The following TRAPPC9 variants were observed in gnomAD, a reference collection of about 807,000 sequenced individuals.
TRAPPC9 encodes the protein trafficking protein particle complex subunit 9.
In TRAPPC9, 83 loss-of-function variants were observed where a neutral mutation model predicts 124.0. That is an observed-to-expected ratio of 0.67 (90% CI 0.56 to 0.80). The LOEUF (loss-of-function observed/expected upper bound fraction) is 0.80. TRAPPC9 is among the 30% of genes least tolerant of loss of function. TRAPPC9 has a pLI of 0.00. For missense variants in TRAPPC9, 1,302 were observed against 1,508.3 expected, an observed-to-expected ratio of 0.86 and a Z score of 2.27; for synonymous variants, 638 against 617.5, an observed-to-expected ratio of 1.03 and a Z score of -0.49.
rs187594197 is a variant in TRAPPC9 at position 139,730,529 on chromosome 8, C to T, written c.*532G>A. The T allele has an allele frequency of 6.6e-3, 1,043 of 159,044 alleles. 6 individuals carry two copies. The highest frequency in any genetic ancestry group is 0.01 in the Non-Finnish European group (750 of 71,916). The allele number at this position is 159,044 out of a possible 1,614,324, so 9.9% of individuals were successfully genotyped here. A position where few individuals can be genotyped will look rare whatever the true frequency, so the allele number is the denominator to read the frequency against. ...GGCATCAACCATCCACGACCTCCTA[C>T]GGCACCATCTCTCCTGCCAAGTTGC... On this transcript the variant is annotated 3_prime_UTR_variant, in exon 23 of 23. Transcript: ENST00000438773.
chr8:140,056,970 G>C (rs1000715307), intron 17 of TRAPPC9, among the ~76,000 whole-genome samples: 2 of 152,074 alleles, frequency 1.3e-5, no homozygotes, highest in African/African-American at 4.8e-5. Context: ...AACTACTGTA[G>C]TTAACTAAAT....
chr8:140,103,610 G>A (rs551332016), intron 17 of TRAPPC9, among the ~76,000 whole-genome samples: 51 of 152,338 alleles, frequency 3.3e-4, no homozygotes, highest in African/African-American at 1.2e-3. Context: ...AAGTCCTGAT[G>A]TGAAATCTTA....
At position 139,908,257 on chromosome 8, in the gene TRAPPC9, G is replaced by A. The variant is rs548836132; in HGVS notation, c.2964+1890C>T. Among the ~76,000 whole-genome samples, 149 of 152,278 alleles carry A rather than the reference G, an allele frequency of 9.8e-4. 2 individuals are homozygous for A. Among genetic ancestry groups the A allele is most frequent in the Non-Finnish European group, 1.3e-3 (89 of 68,020 alleles). ...CTCCTGCCAGGCCCACCATGCACCTGCCCCTTCCTCCACTGGTGCTGCTGG... is the reference window on the plus strand; with the variant it reads ...CTCCTGCCAGGCCCACCATGCACCTACCCCTTCCTCCACTGGTGCTGCTGG... On this transcript the variant is annotated intron_variant, in intron 20 of 22. Coordinates refer to ENST00000438773, the MANE Select transcript of TRAPPC9 (RefSeq NM_001160372.4).
chr8:140,253,547 G>A (rs561730942), intron 15 of TRAPPC9, among the ~76,000 whole-genome samples: 14 of 152,042 alleles, frequency 9.2e-5, no homozygotes, highest in African/African-American at 2.7e-4. Flanking sequence ...GTGTGGCAGC[G>A]CGCCTCTGTA....
chr8:139,835,782 A>C (rs1199254494), intron 21 of TRAPPC9, among the ~76,000 whole-genome samples: 3 of 152,136 alleles, frequency 2.0e-5, no homozygotes, highest in African/African-American at 7.2e-5. Flanking sequence ...CAAAAAAAAA[A>C]AAAGCTTCCC....
At chr8:140,040,786 T>C (rs527428904) in intron 17 of TRAPPC9, 123 of 152,336 alleles carry the variant, frequency 8.1e-4, no homozygotes, top group Non-Finnish European at 9.5e-4. Context: ...AAGGTGGTGA[T>C]GCAGTAACTA....
chr8:140,249,640 G>T (rs1588011631), intron 16 of TRAPPC9, among the ~76,000 whole-genome samples: 1 of 111,318 alleles, frequency 9.0e-6, no homozygotes, highest in African/African-American at 3.6e-5. Flanking sequence ...GTCTCGCTCT[G>T]TCACCCAGGC....
Position 139,948,248 on chromosome 8 carries a change from A to AACACACACAC in TRAPPC9, c.2811-37958_2811-37949dup, listed in dbSNP as rs141771160. The stretch of plus-strand genomic sequence containing the variant: ...CTGAGTGGGGGAAGATGGTTCATAA[A>AACACACACAC]ACACACACACACACACACACACACA... On this transcript the variant is annotated intron_variant, in intron 19 of 22. Coordinates refer to ENST00000438773, the MANE Select transcript of TRAPPC9 (RefSeq NM_001160372.4). Among the ~76,000 whole-genome samples the AACACACACAC allele has an allele frequency of 3.1e-4, 45 of 144,726 alleles. 1 individual carries two copies. The highest frequency in any genetic ancestry group is 7.3e-4 in the African/African-American group (28 of 38,152). The allele number at this position is 144,726 out of a possible 152,430, so 94.9% of individuals were successfully genotyped here.
intron 6 of TRAPPC9, among the ~76,000 whole-genome samples, chr8:140,402,207 T>C (rs1442615713): frequency 7.1e-6 from 1 of 141,604 alleles, no homozygotes; most frequent in Non-Finnish European, 1.6e-5. Context: ...TCATTACAAA[T>C]AAAAAATAAA....
intron 21 of TRAPPC9, among the ~76,000 whole-genome samples, chr8:139,736,783 G>A (rs1047807975): frequency 2.6e-5 from 4 of 152,136 alleles, no homozygotes; most frequent in East Asian, 1.9e-4. Context: ...CAGCAACACC[G>A]GCCACATCCA....
intron 19 of TRAPPC9, among the ~76,000 whole-genome samples, chr8:139,960,894 G>C (rs1025656031): frequency 8.0e-6 from 1 of 125,354 alleles, no homozygotes; most frequent in African/African-American, 2.5e-5. Context: ...AGCCAGTAGG[G>C]ACAAATAATG....
chr8:139,867,093 C>A (rs1828597036), intron 21 of TRAPPC9, among the ~76,000 whole-genome samples: 1 of 152,178 alleles, frequency 6.6e-6, no homozygotes, highest in Non-Finnish European at 1.5e-5. Context: ...CTTGGCCTCC[C>A]AAAATGCTGG....
At position 139,766,730 on chromosome 8, in the gene TRAPPC9, A is replaced by C. The variant is rs527585290; in HGVS notation, c.3056-34528T>G. Among the ~76,000 whole-genome samples the C allele has an allele frequency of 1.1e-4, 16 of 152,252 alleles. No homozygotes were observed. In the South Asian group the frequency reaches 2.9e-3, roughly 28 times the overall value. On this transcript the variant is annotated intron_variant, in intron 21 of 22. Transcript: ENST00000438773. ...AAGGTCCCCGCTCCTGAGGTCACTC[A>C]CTGGAGGGAGACAACAGATCGGTCT...
intron 19 of TRAPPC9, 98 bp from the exon 20 acceptor site, chr8:139,910,398 G>T: frequency 8.3e-7 from 1 of 1,203,292 alleles, no homozygotes; most frequent in Non-Finnish European, 1.2e-6. Context: ...ACACTATAAT[G>T]AATCATTATC....
At chr8:140,352,884 A>C (rs988802698) in intron 9 of TRAPPC9, among the ~76,000 whole-genome samples, 6 of 152,120 alleles carry the variant, frequency 3.9e-5, no homozygotes, top group Non-Finnish European at 7.4e-5. Context: ...AGAACCACTA[A>C]TGTCTGACCA....
intron 17 of TRAPPC9, among the ~76,000 whole-genome samples, chr8:140,115,145 T>G (rs566945130): frequency 6.6e-6 from 1 of 152,324 alleles, no homozygotes; most frequent in African/African-American, 2.4e-5. Flanking sequence ...ATTCTCGAAT[T>G]CTGGTATAAA....
intron 19 of TRAPPC9, among the ~76,000 whole-genome samples, chr8:139,950,356 A>G (rs1016673631): frequency 6.6e-6 from 1 of 152,256 alleles, no homozygotes. Context: ...CTGTCAGCAG[A>G]TGATGCCTGT....
intron 17 of TRAPPC9, among the ~76,000 whole-genome samples, chr8:140,089,538 C>T (rs1844426871): frequency 6.6e-6 from 1 of 152,198 alleles, no homozygotes; most frequent in African/African-American, 2.4e-5. Context: ...TGGATACCAT[C>T]TTCATGAAAA....
chr8:140,327,334 G>T (rs142615938), intron 9 of TRAPPC9, among the ~76,000 whole-genome samples: 1 of 152,174 alleles, frequency 6.6e-6, no homozygotes, highest in Non-Finnish European at 1.5e-5. Context: ...CATCTGCTGT[G>T]CCAAACAGTT....
Sources: gnomAD v4.1 joint callset for allele counts (sites outside exome capture counted in the v4.1 genomes callset) on GRCh38, gnomAD v4.1.1 for gene constraint, MANE v1.5 for transcripts, NCBI Gene and HGNC (gene_info 2026-07-23, HGNC 2026-07-21) for gene names.